The following DOCK9 variants were observed in gnomAD, a reference collection of about 807,000 sequenced individuals.
DOCK9 encodes the protein dedicator of cytokinesis protein 9.
Under a neutral mutation model 263.3 loss-of-function variants are expected in DOCK9, and 89 were observed. That is an observed-to-expected ratio of 0.34 (90% CI 0.28 to 0.40). The LOEUF (loss-of-function observed/expected upper bound fraction) is 0.40, where lower values mean the gene tolerates loss of function less well. Ranked by LOEUF, DOCK9 falls within the 10% of genes least tolerant of loss-of-function variation. The pLI, the probability that DOCK9 is intolerant of heterozygous loss-of-function variation, is 1.00. For synonymous variants in DOCK9, 976 were observed against 973.1 expected (o/e 1.00, Z -0.06); for missense variants, 2,140 against 2,603.4 (o/e 0.82, Z 3.87).
intron 1 of DOCK9, among the ~76,000 whole-genome samples, chr13:98,960,971 G>A (rs768543662): frequency 5.9e-5 from 9 of 152,156 alleles, no homozygotes; most frequent in Non-Finnish European, 1.0e-4. Flanking sequence ...TTCTATGATT[G>A]TATACACAGC....
intron 15 of DOCK9, among the ~76,000 whole-genome samples, chr13:98,893,874 A>T (rs931722565): frequency 5.3e-5 from 8 of 152,172 alleles, no homozygotes; most frequent in African/African-American, 1.9e-4. Flanking sequence ...GCGTGGCCTC[A>T]CTTATCCTGC....
At chr13:98,957,099 G>A (rs1015425712) in intron 1 of DOCK9, among the ~76,000 whole-genome samples, 10 of 152,120 alleles carry the variant, frequency 6.6e-5, no homozygotes, top group African/African-American at 2.2e-4. Flanking sequence ...AGCCTTCCAC[G>A]TGGCCCCTCC....
intron 1 of DOCK9, among the ~76,000 whole-genome samples, chr13:99,043,568 C>A (rs1489393517): frequency 1.3e-5 from 2 of 152,138 alleles, no homozygotes; most frequent in Non-Finnish European, 2.9e-5. Flanking sequence ...CTTGCAGGTA[C>A]GTCGGGGAGA....
intron 47 of DOCK9, among the ~76,000 whole-genome samples, chr13:98,808,256 T>A (rs1038443223): frequency 1.3e-5 from 2 of 152,098 alleles, no homozygotes; most frequent in African/African-American, 4.8e-5. Context: ...CTGGAGTAAG[T>A]TTAGTAAAAG....
At chr13:98,861,835 T>G (rs946161895) in intron 32 of DOCK9, among the ~76,000 whole-genome samples, 1 of 152,176 alleles carries the variant, frequency 6.6e-6, no homozygotes, top group African/African-American at 2.4e-5. Context: ...TAATATAAAT[T>G]AAGGCAGTCA....
chr13:98,873,980 T>G (rs2094258566), intron 27 of DOCK9, among the ~76,000 whole-genome samples: 1 of 152,204 alleles, frequency 6.6e-6, no homozygotes, highest in Non-Finnish European at 1.5e-5. Context: ...CCCACTCAAG[T>G]CTGACCTTAC....
Position 98,863,068 on chromosome 13 carries a change from T to G in DOCK9, c.3530A>C (p.Gln1177Pro), listed in dbSNP as rs1234517202. ...TGACACATCCCTCACATTGATCCGC[T>G]GGACGTTTTCAATCAGCAGACCAAA... is the stretch of plus-strand genomic sequence containing the variant. ...PLFGLLIENVQRINVRDVSPF... is the reference protein window; with the variant it reads ...PLFGLLIENVPRINVRDVSPF... The change falls in exon 32 of 53, where the codon CAG becomes CCG. Residue 1177 changes from glutamine to proline, a missense_variant. Gln to Pro is a moderately conservative substitution (Grantham distance 76). Transcript: ENST00000682017. 6.2e-7 allele frequency: 1 copy of G among 1,612,014 alleles called. No individual in the cohort carries two copies.
At chr13:99,061,140 T>A (rs1052001114) in intron 1 of DOCK9, among the ~76,000 whole-genome samples, 1 of 152,212 alleles carries the variant, frequency 6.6e-6, no homozygotes, top group African/African-American at 2.4e-5. Context: ...TACTGACAGC[T>A]GCTCTATAAA....
Position 98,902,987 on chromosome 13 carries a change from T to C in DOCK9, c.1161A>G (p.Glu387=). ...GAAAAATTACATTTGTAGTGGGTCC[T>C]TCTTCATTTTCGGCAACACAGCATT... ...NLQCCVAENE[E]GPTTNVEPFF... Residue 387 remains glutamate (E), a synonymous_variant, in exon 11 of 53, where the codon GAA becomes GAG. Coordinates refer to ENST00000682017, the MANE Select transcript of DOCK9 (RefSeq NM_001366683.2). The C allele has an allele frequency of 6.6e-7, 1 of 1,514,222 alleles. No individual in the cohort carries two copies. The highest frequency in any genetic ancestry group is 1.4e-5 in the African/African-American group (1 of 70,522). 93.8% of individuals were successfully genotyped at this position (1,514,222 alleles called of 1,614,324 possible). A position where few individuals can be genotyped will look rare whatever the true frequency, so the allele number is the denominator to read the frequency against.
intron 25 of DOCK9, 72 bp from the exon 26 acceptor site, chr13:98,880,744 A>G: frequency 6.4e-7 from 1 of 1,556,302 alleles, no homozygotes; most frequent in Admixed American, 1.9e-5. Flanking sequence ...AGAGACTCCC[A>G]AGAATGGAGA....
At chr13:99,053,131 A>C (rs571083882) in intron 1 of DOCK9, among the ~76,000 whole-genome samples, 2 of 151,996 alleles carry the variant, frequency 1.3e-5, no homozygotes, top group Non-Finnish European at 2.9e-5. Flanking sequence ...CACTAACATC[A>C]CTCCTGCGCC....
chr13:98,929,246 A>G (rs1313895626), intron 3 of DOCK9, among the ~76,000 whole-genome samples: 2 of 152,246 alleles, frequency 1.3e-5, no homozygotes, highest in Admixed American at 1.3e-4. Flanking sequence ...CTAAATTGTA[A>G]TAATTTCTCT....
chr13:98,800,662 C>A (rs1337877194), intron 49 of DOCK9, among the ~76,000 whole-genome samples, 184 bp from the exon 50 acceptor site: 2 of 152,180 alleles, frequency 1.3e-5, no homozygotes, highest in Non-Finnish European at 2.9e-5. Flanking sequence ...TCTTCCTTTA[C>A]AATCGTGTGT....
intron 49 of DOCK9, among the ~76,000 whole-genome samples, chr13:98,801,383 C>G (rs554622405): frequency 2.6e-5 from 4 of 152,198 alleles, no homozygotes; most frequent in African/African-American, 9.6e-5. Context: ...AATTCACAAA[C>G]TTTTGGAGCT....
At position 98,882,519 on chromosome 13, in the gene DOCK9, T is replaced by C. The variant is rs529604704; in HGVS notation, c.2560-512A>G. ...TTTTAGCTATTTCCCCTTTCCAAAA[T>C]GCTCCCCACAGCCACGTTCTGGATG... is the stretch of plus-strand genomic sequence containing the variant. On this transcript the variant is annotated intron_variant, in intron 23 of 52. Transcript: ENST00000682017. 3.5e-4 allele frequency among the ~76,000 whole-genome samples: 53 copies of C among 152,316 alleles called. 1 individual carries two copies. The highest frequency in any genetic ancestry group is 4.0e-4 in the Non-Finnish European group (27 of 68,020).
intron 2 of DOCK9, among the ~76,000 whole-genome samples, chr13:98,952,896 C>T (rs2057608800): frequency 6.6e-6 from 1 of 152,206 alleles, no homozygotes; most frequent in Admixed American, 6.5e-5. Flanking sequence ...ATGCGTTTTG[C>T]TGCTGCCATT....
At position 98,976,047 on chromosome 13, in the gene DOCK9, C is replaced by T. The variant is rs115321021; in HGVS notation, c.126+1737G>A. Among the ~76,000 whole-genome samples the T allele has an allele frequency of 8.6e-3, 1,311 of 152,288 alleles. 17 individuals are homozygous for T. The highest frequency in any genetic ancestry group is 0.03 in the African/African-American group (1,253 of 41,530). On this transcript the variant is annotated intron_variant, in intron 1 of 52. Coordinates refer to ENST00000682017, the MANE Select transcript of DOCK9 (RefSeq NM_001366683.2). ...CAAAGGCCCTGCTGAAATATCCTTG[C>T]TTCCCTGATCTGACATTAGCTCTTC... is the stretch of plus-strand genomic sequence containing the variant.
chr13:99,024,833 AT>A (rs993984531), intron 1 of DOCK9, among the ~76,000 whole-genome samples: 4 of 152,190 alleles, frequency 2.6e-5, no homozygotes, highest in African/African-American at 4.8e-5. Flanking sequence ...AAATAGTCCT[AT>A]TTTTTTTAAA....
chr13:98,919,975 T>C (rs2051630763), intron 7 of DOCK9, among the ~76,000 whole-genome samples: 1 of 152,228 alleles, frequency 6.6e-6, no homozygotes, highest in Non-Finnish European at 1.5e-5. Context: ...TATAAGCTGC[T>C]GCCTTAAATC....
Sources: gnomAD v4.1 joint callset for allele counts (sites outside exome capture counted in the v4.1 genomes callset) on GRCh38, gnomAD v4.1.1 for gene constraint, MANE v1.5 for transcripts, NCBI Gene and HGNC (gene_info 2026-07-23, HGNC 2026-07-21) for gene names.